LIG3: variants seen among roughly 807,000 people sequenced by gnomAD.
The protein encoded by LIG3 is DNA ligase 3.
A neutral mutation model predicts 110.9 loss-of-function variants in LIG3; 58 were observed. The ratio of observed to expected loss-of-function variants is 0.52; its 90% CI spans 0.42 to 0.65. The LOEUF is 0.65. LIG3 is among the 30% of genes least tolerant of loss of function. The pLI, the probability that LIG3 is intolerant of heterozygous loss-of-function variation, is 0.00. For synonymous variants in LIG3, 422 were observed against 472.8 expected, an observed-to-expected ratio of 0.89 and a Z score of 1.39; for missense variants, 1,094 against 1,273.8, an observed-to-expected ratio of 0.86 and a Z score of 2.15.
Position 35,005,263 on chromosome 17 carries a change from G to C in LIG3, c.*757G>C. On this transcript the variant is annotated 3_prime_UTR_variant, in exon 20 of 20. Transcript: ENST00000378526. ...TTCTTTAAGAATAAAAATCCACATG[G>C]GGCTTGAGGCCAAGAACAGCCCTTG... 1 of 517,304 alleles carries C rather than the reference G, an allele frequency of 1.9e-6. No homozygotes were observed. Among genetic ancestry groups the C allele is most frequent in the Non-Finnish European group, 3.9e-6 (1 of 256,514 alleles). 32.0% of individuals were successfully genotyped at this position (517,304 alleles called of 1,614,324 possible). A position where few individuals can be genotyped will look rare whatever the true frequency, so the allele number is the denominator to read the frequency against.
At chr17:34,992,262 G>A (rs3135986) in intron 7 of LIG3, among the ~76,000 whole-genome samples, 3,836 of 152,314 alleles carry the variant, frequency 0.025, 166 homozygotes, top group African/African-American at 0.087. Flanking sequence ...TTGAAGTGTG[G>A]CATACGTTCA....
chr17:34,982,977 TTTG>T (rs1271102540), intron 1 of LIG3, 22 bp from the exon 2 acceptor site: 15 of 1,485,606 alleles, frequency 1.0e-5, no homozygotes, highest in Admixed American at 7.2e-5. Flanking sequence ...TTTTTTTTTT[TTTG>T]GCCTCCTACT....
intron 9 of LIG3, among the ~76,000 whole-genome samples, chr17:34,995,757 C>T (rs2090771151): frequency 6.6e-6 from 1 of 152,210 alleles, no homozygotes; most frequent in East Asian, 1.9e-4. Flanking sequence ...CTACCCTCCT[C>T]CTCCTCCCCC....
chr17:34,996,261 C>T (rs117078298), intron 10 of LIG3, 66 bp downstream of exon 10: 184 of 1,543,102 alleles, frequency 1.2e-4, no homozygotes, highest in East Asian at 4.1e-4. Flanking sequence ...TGTGGGTGCA[C>T]GCTGCGGTCT....
chr17:34,991,418 G>C, intron 5 of LIG3: 1 of 566,056 alleles, frequency 1.8e-6, no homozygotes. Flanking sequence ...TTTTTTTCTT[G>C]CTTGTTTTCT....
intron 3 of LIG3, among the ~76,000 whole-genome samples, chr17:34,988,339 G>A (rs1308254501): frequency 3.3e-5 from 5 of 152,134 alleles, no homozygotes; most frequent in Admixed American, 6.5e-5. Flanking sequence ...GGGAGGAGTT[G>A]AGAGAAAGAG....
rs574318138 is a variant in LIG3, at chr17:35,004,868, G to A, written c.*362G>A. The stretch of plus-strand genomic sequence containing the variant: ...CCTAGAGATTAAGGAGTAAAGGCTG[G>A]GCTATGGCAGCTCTGTCCACAAAGC... On this transcript the variant is annotated 3_prime_UTR_variant, in exon 20 of 20. Transcript: ENST00000378526. The A allele has an allele frequency of 3.7e-6, 1 of 266,822 alleles. No individual in the cohort carries two copies. The highest frequency in any genetic ancestry group is 9.1e-5 in the East Asian group (1 of 10,958). The allele number at this position is 266,822 out of a possible 1,614,324, so 16.5% of individuals were successfully genotyped here. A position where few individuals can be genotyped will look rare whatever the true frequency, so the allele number is the denominator to read the frequency against.
Position 34,999,821 on chromosome 17 carries a change from A to C in LIG3, c.2296A>C (p.Ile766Leu), listed in dbSNP as rs1221468176. The stretch of plus-strand genomic sequence containing the variant: ...ACCCAGCTGGTTGAAGGTCAACAAG[A>C]TCTACTATCCTGACTTCATCGTCCC... ...KIPSWLKVNK[I>L]YYPDFIVPDP... Residue 766 changes from isoleucine to leucine, a missense_variant, in exon 16 of 20, where the codon ATC becomes CTC. Transcript: ENST00000378526. 1 of 1,614,106 alleles carries C rather than the reference A, an allele frequency of 6.2e-7. No individual in the cohort carries two copies.
At chr17:34,998,809 G>T in intron 14 of LIG3, 82 bp downstream of exon 14, 2 of 1,504,420 alleles carry the variant, frequency 1.3e-6, no homozygotes, top group South Asian at 1.3e-5. Flanking sequence ...TTACTGGCTT[G>T]ATCTGCCAGC....
At chr17:34,998,363 C>T (rs990506051) in intron 13 of LIG3, 67 bp downstream of exon 13, 1 of 1,424,650 alleles carries the variant, frequency 7.0e-7, no homozygotes, top group Non-Finnish European at 9.7e-7. Flanking sequence ...GCCTTTCCAG[C>T]CCTGACCAGG....
intron 14 of LIG3, 157 bp downstream of exon 14, chr17:34,998,884 G>GC: frequency 1.3e-6 from 1 of 798,072 alleles, no homozygotes; most frequent in Non-Finnish European, 1.9e-6. Context: ...GTCACCTCAG[G>GC]CAGAGCTGCT....
intron 19 of LIG3, chr17:35,003,072 G>C (rs771919176): frequency 1.9e-6 from 3 of 1,614,026 alleles, no homozygotes; most frequent in Non-Finnish European, 1.7e-6. Flanking sequence ...AGCCAGGAGA[G>C]ACTGCAGGGA....
chr17:34,991,989 A>C lies in LIG3; in HGVS notation c.1240A>C (p.Arg414=), dbSNP rs1456589818. The C allele has an allele frequency of 1.2e-6, 2 of 1,614,124 alleles. No individual in the cohort carries two copies. The highest frequency in any genetic ancestry group is 4.5e-5 in the East Asian group (2 of 44,882). ...AGCCAATGACCTTAAATGCATCATCAGGTTGATCAAACATGATCTGAAGAT... is the reference window on the plus strand; with the variant it reads ...AGCCAATGACCTTAAATGCATCATCCGGTTGATCAAACATGATCTGAAGAT... ...CTANDLKCII[R]LIKHDLKMNS... Residue 414 remains arginine, a synonymous_variant, in exon 7 of 20, where the codon AGG becomes CGG. Coordinates refer to ENST00000378526, the MANE Select transcript of LIG3 (RefSeq NM_013975.4).
rs186307500 is a variant in LIG3, at chr17:34,997,024, A to G, written c.1823+371A>G. 3.1e-3 allele frequency: 584 copies of G among 185,498 alleles called. 3 individuals carry two copies. Among genetic ancestry groups the G allele is most frequent in the African/African-American group, 0.012 (533 of 42,850 alleles). 11.5% of individuals were successfully genotyped at this position (185,498 alleles called of 1,614,324 possible). ...AGTTTATTTCTCCAATGGCACCCCT[A>G]GGGGCTCCAGTGGCACCCCTGGGGG... On this transcript the variant is annotated intron_variant, in intron 11 of 19. Coordinates refer to ENST00000378526, the MANE Select transcript of LIG3 (RefSeq NM_013975.4).
chr17:34,991,431 T>G, intron 5 of LIG3: 3 of 580,468 alleles, frequency 5.2e-6, no homozygotes, highest in Non-Finnish European at 9.0e-6. Flanking sequence ...TGTTTTCTCC[T>G]ATAACTTGGC....
rs751023029 is a variant in LIG3, at chr17:34,983,010, C to T, written c.5C>T (p.Ser2Phe). Residue 2 changes from serine (S) to phenylalanine (F), a missense_variant, in exon 2 of 20, where the codon TCT becomes TTT. Coordinates refer to ENST00000378526, the MANE Select transcript of LIG3 (RefSeq NM_013975.4). M[S>F]LAFKIFFPQT... ...CCTACTCTTTCGTACAGCTATATGT[C>T]TTTGGCTTTCAAGATCTTCTTTCCA... 16 of 1,515,392 alleles carry T rather than the reference C, an allele frequency of 1.1e-5. No individual in the cohort carries two copies. In the South Asian group the frequency reaches 1.8e-4, roughly 17 times the overall value. 93.9% of individuals were successfully genotyped at this position (1,515,392 alleles called of 1,614,324 possible). A position where few individuals can be genotyped will look rare whatever the true frequency, so the allele number is the denominator to read the frequency against.
At chr17:34,986,521 C>T (rs993239724) in intron 3 of LIG3, among the ~76,000 whole-genome samples, 1 of 152,144 alleles carries the variant, frequency 6.6e-6, no homozygotes, top group Admixed American at 6.5e-5. Flanking sequence ...GGGGTTTCGC[C>T]ACGTTGGCCA....
chr17:34,990,873 A>T, intron 4 of LIG3, 90 bp from the exon 5 acceptor site: 1 of 1,272,908 alleles, frequency 7.9e-7, no homozygotes, highest in Admixed American at 1.9e-5. Context: ...CTGAGATTAC[A>T]GGTGTGAGCC....
intron 8 of LIG3, 40 bp from the exon 9 acceptor site, chr17:34,994,236 C>T (rs775849192): frequency 2.5e-6 from 4 of 1,592,104 alleles, no homozygotes; most frequent in Non-Finnish European, 3.4e-6. Context: ...TTAGCAGCCC[C>T]TCATTGAAAG....
Sources: gnomAD v4.1 joint callset for allele counts (sites outside exome capture counted in the v4.1 genomes callset) on GRCh38, gnomAD v4.1.1 for gene constraint, MANE v1.5 for transcripts, NCBI Gene and HGNC (gene_info 2026-07-23, HGNC 2026-07-21) for gene names.